Variants in C1QTNF7 observed in about 807,000 individuals in gnomAD.
C1QTNF7 encodes the protein complement C1q tumor necrosis factor-related protein 7.
A neutral mutation model predicts 19.6 loss-of-function variants in C1QTNF7; 15 were observed. The observed-to-expected ratio is 0.76, with a 90% confidence interval of 0.51 to 1.18. C1QTNF7 has a LOEUF of 1.18. Among genes scored for constraint, C1QTNF7 ranks in the 50% most tolerant of loss-of-function variants. The probability of loss-of-function intolerance (pLI) is 0.00; values close to 1 mark genes in which losing one functional copy is unlikely to be tolerated. For synonymous variants in C1QTNF7, 142 were observed against 137.5 expected, an observed-to-expected ratio of 1.03 and a Z score of -0.23; for missense variants, 324 against 359.7, an observed-to-expected ratio of 0.90 and a Z score of 0.80.
rs939379822 is a variant in C1QTNF7 at position 15,445,766 on chromosome 4, C to G, written c.*2967C>G. ...AGTTCCAAGTCTCATTGCAATCATT[C>G]TTTGTAAAGGCTGACTTGTAATGAA... On this transcript the variant is annotated 3_prime_UTR_variant, in exon 3 of 3. Transcript: ENST00000444304. 2 of 152,152 alleles carry G rather than the reference C, an allele frequency of 1.3e-5. No homozygotes were observed. The highest frequency in any genetic ancestry group is 2.9e-5 in the Non-Finnish European group (2 of 68,044). The allele number at this position is 152,152 out of a possible 1,614,324, so 9.4% of individuals were successfully genotyped here.
At chr4:15,369,429 T>A (rs1021659281) in intron 1 of C1QTNF7, among the ~76,000 whole-genome samples, 2 of 152,248 alleles carry the variant, frequency 1.3e-5, no homozygotes, top group Non-Finnish European at 2.9e-5. Context: ...TTATTTCTAA[T>A]GGCCCTTGTT....
At chr4:15,366,273 C>A (rs1229169875) in intron 1 of C1QTNF7, among the ~76,000 whole-genome samples, 2 of 152,300 alleles carry the variant, frequency 1.3e-5, no homozygotes, top group East Asian at 3.9e-4. Context: ...AAACTGAAAG[C>A]CTCACATCTC....
intron 1 of C1QTNF7, among the ~76,000 whole-genome samples, chr4:15,431,686 C>T (rs540502044): frequency 5.3e-4 from 80 of 152,156 alleles, no homozygotes; most frequent in Non-Finnish European, 8.4e-4. Context: ...TTTTTTTCCC[C>T]CACAAAGCTC....
chr4:15,382,720 T>C (rs1718192159), intron 1 of C1QTNF7, among the ~76,000 whole-genome samples: 1 of 152,212 alleles, frequency 6.6e-6, no homozygotes, highest in South Asian at 2.1e-4. Context: ...CCCATCTGAT[T>C]TGTCTCCTTA....
intron 1 of C1QTNF7, among the ~76,000 whole-genome samples, chr4:15,385,457 G>A (rs1718299248): frequency 6.6e-6 from 1 of 152,174 alleles, no homozygotes. Flanking sequence ...GTGACAAGGA[G>A]GACAGAAGGC....
intron 1 of C1QTNF7, among the ~76,000 whole-genome samples, chr4:15,393,233 A>C (rs888625290): frequency 2.6e-5 from 4 of 152,220 alleles, no homozygotes; most frequent in Admixed American, 2.0e-4. Context: ...CCATGTGGAA[A>C]TGTGAGTCCA....
upstream of C1QTNF7, among the ~76,000 whole-genome samples, chr4:15,425,225 AT>A (rs993808906): frequency 2.6e-5 from 4 of 152,114 alleles, no homozygotes; most frequent in African/African-American, 9.7e-5. Flanking sequence ...CTTTTAAAAA[AT>A]ATTAATGCCT....
At chr4:15,348,379 A>G (rs913352775) in intron 1 of C1QTNF7, among the ~76,000 whole-genome samples, 17 of 152,240 alleles carry the variant, frequency 1.1e-4, no homozygotes, top group African/African-American at 4.1e-4. Flanking sequence ...AAGGCCTGGG[A>G]TGTTCGGTTT....
intron 2 of C1QTNF7, among the ~76,000 whole-genome samples, chr4:15,437,317 C>T (rs1235653509): frequency 6.6e-6 from 1 of 151,748 alleles, no homozygotes; most frequent in Non-Finnish European, 1.5e-5. Flanking sequence ...CTTAGAGGCT[C>T]AGTTTCCTTA....
chr4:15,360,174 G>C (rs908277968), intron 1 of C1QTNF7, among the ~76,000 whole-genome samples: 5 of 151,796 alleles, frequency 3.3e-5, no homozygotes, highest in African/African-American at 1.2e-4. Flanking sequence ...CAGGGCTTTG[G>C]GATTAGGTTG....
At chr4:15,342,209 A>G (rs551520824) in intron 1 of C1QTNF7, among the ~76,000 whole-genome samples, 77 of 152,212 alleles carry the variant, frequency 5.1e-4, no homozygotes, top group African/African-American at 1.7e-3. Context: ...GCTGGGAGAG[A>G]AAGGCAGCGT....
chr4:15,428,476 T>A (rs1712153509), intron 1 of C1QTNF7, among the ~76,000 whole-genome samples: 1 of 150,674 alleles, frequency 6.6e-6, no homozygotes, highest in South Asian at 2.1e-4. Flanking sequence ...TATTGATGAA[T>A]TTTTTTTTCT....
intron 2 of C1QTNF7, among the ~76,000 whole-genome samples, chr4:15,438,307 G>A (rs950514661): frequency 2.6e-5 from 4 of 152,108 alleles, no homozygotes; most frequent in East Asian, 1.9e-4. Context: ...ATGAAGAGAG[G>A]TGTACCTCAC....
intron 1 of C1QTNF7, among the ~76,000 whole-genome samples, chr4:15,400,176 A>G (rs1389477131): frequency 6.6e-6 from 1 of 152,252 alleles, no homozygotes; most frequent in Non-Finnish European, 1.5e-5. Flanking sequence ...TTATTCTTCA[A>G]AAATGTCTTG....
chr4:15,428,139 G>T, intron 1 of C1QTNF7, 33 bp downstream of exon 1: 1 of 962,152 alleles, frequency 1.0e-6, no homozygotes, highest in Non-Finnish European at 1.2e-6. Context: ...TAGAATTTTG[G>T]CAAATGTAGA....
At chr4:15,373,626 G>T (rs566311961) in intron 1 of C1QTNF7, among the ~76,000 whole-genome samples, 18 of 152,306 alleles carry the variant, frequency 1.2e-4, no homozygotes, top group African/African-American at 4.3e-4. Context: ...GCTGTTAAGT[G>T]TTCCAGGCAG....
At chr4:15,405,393 A>G (rs1274357864) in intron 1 of C1QTNF7, among the ~76,000 whole-genome samples, 2 of 152,204 alleles carry the variant, frequency 1.3e-5, no homozygotes, top group African/African-American at 4.8e-5. Flanking sequence ...CTCATGCCTT[A>G]TCAGCAAGAC....
intron 1 of C1QTNF7, among the ~76,000 whole-genome samples, chr4:15,344,316 G>A (rs1716643392): frequency 6.6e-6 from 1 of 152,218 alleles, no homozygotes; most frequent in African/African-American, 2.4e-5. Context: ...TGAATTGGAT[G>A]AGTAACCAGT....
At chr4:15,388,274 A>G (rs1718415955) in intron 1 of C1QTNF7, among the ~76,000 whole-genome samples, 1 of 152,214 alleles carries the variant, frequency 6.6e-6, no homozygotes, top group Non-Finnish European at 1.5e-5. Context: ...TTGATATGCA[A>G]CATTAATTAA....
Sources: allele counts gnomAD v4.1 joint callset (sites outside exome capture counted in the v4.1 genomes callset), GRCh38; gene constraint gnomAD v4.1.1; transcripts MANE v1.5; gene names NCBI Gene and HGNC (gene_info 2026-07-23, HGNC 2026-07-21).